The following SLC9A1 variants were observed in gnomAD, a reference collection of about 807,000 sequenced individuals.
SLC9A1 encodes sodium/hydrogen exchanger 1.
In SLC9A1, 22 loss-of-function variants were observed where a neutral mutation model predicts 67.9. That is an observed-to-expected ratio of 0.32 (90% CI 0.23 to 0.46). The LOEUF (loss-of-function observed/expected upper bound fraction) is 0.46, where lower values mean the gene tolerates loss of function less well. Ranked by LOEUF, SLC9A1 falls within the 20% of genes least tolerant of loss-of-function variation. The pLI, the probability that SLC9A1 is intolerant of heterozygous loss-of-function variation, is 1.00. For missense variants in SLC9A1, 686 were observed against 1,094.8 expected, an observed-to-expected ratio of 0.63 and a Z score of 5.27; for synonymous variants, 421 against 471.8, an observed-to-expected ratio of 0.89 and a Z score of 1.40.
In SLC9A1 at chr1:27,109,621, A is replaced by C. The variant is rs2083213609; in HGVS notation, c.970T>G (p.Ser324Ala). ...AGCGGCTCGATGACCCGGATGTGGG[A>C]GGTAAATCGGGAGGTGAAGGCTGCG... ...VIAAFTSRFT[S>A]HIRVIEPLFV... The change falls in exon 3 of 12, where the codon TCC becomes GCC. Residue 324 changes from serine to alanine, a missense_variant. Physicochemically the swap from Ser to Ala is moderately conservative, Grantham distance 99. Around this residue, in one of 7 missense-constraint regions of SLC9A1, gnomAD observed 58 missense variants for 68.9 expected, o/e 0.84. Transcript: ENST00000263980. This position sits in a 1 kb window ranked among gnomAD's most constrained non-coding sequence, Gnocchi z 5.5. The C allele has an allele frequency of 6.2e-7, 1 of 1,613,762 alleles. No homozygotes were observed. The highest frequency in any genetic ancestry group is 1.7e-5 in the Admixed American group (1 of 60,008).
intron 1 of SLC9A1, among the ~76,000 whole-genome samples, chr1:27,150,218 C>T (rs189582203): frequency 6.6e-6 from 1 of 152,304 alleles, no homozygotes; most frequent in East Asian, 1.9e-4. Flanking sequence ...GTGACCCCAT[C>T]TCCCCTATTC....
intron 1 of SLC9A1, among the ~76,000 whole-genome samples, chr1:27,135,766 GAACAGCA>G (rs2083416912): frequency 2.6e-5 from 4 of 152,180 alleles, no homozygotes; most frequent in Admixed American, 1.3e-4. Context: ...AGGCAACACC[GAACAGCA>G]ATAAAATGAA....
intron 2 of SLC9A1, among the ~76,000 whole-genome samples, chr1:27,111,786 G>A (rs2083230021): frequency 6.6e-6 from 1 of 152,170 alleles, no homozygotes; most frequent in Non-Finnish European, 1.5e-5. Flanking sequence ...GAGTGACACT[G>A]TCTGTGTGAC....
rs906653054 is a variant in SLC9A1 at position 27,135,214 on chromosome 1, T to C, written c.352+18769A>G. Reference sequence around the variant, plus strand: ...ACAGGCCTGTGCCACCATGCCCTACTAATTTTTTATTTTATTTTTGTAGAG... The same window carrying C: ...ACAGGCCTGTGCCACCATGCCCTACCAATTTTTTATTTTATTTTTGTAGAG... On this transcript the variant is annotated intron_variant, in intron 1 of 11. Coordinates refer to ENST00000263980, the MANE Select transcript of SLC9A1 (RefSeq NM_003047.5). Among the ~76,000 whole-genome samples the C allele has an allele frequency of 3.8e-4, 57 of 151,926 alleles. 1 individual carries two copies. Among genetic ancestry groups the C allele is most frequent in the African/African-American group, 1.3e-3 (52 of 41,352 alleles).
At chr1:27,126,376 G>T (rs2083343792) in intron 1 of SLC9A1, among the ~76,000 whole-genome samples, 1 of 152,166 alleles carries the variant, frequency 6.6e-6, no homozygotes. Context: ...ACCTCACAAG[G>T]TTGTGAGGAT....
chr1:27,105,184 C>T (rs1331520662), intron 5 of SLC9A1, among the ~76,000 whole-genome samples: 1 of 152,184 alleles, frequency 6.6e-6, no homozygotes, highest in Non-Finnish European at 1.5e-5. Flanking sequence ...GATATTATTC[C>T]CATTTTACAG....
intron 1 of SLC9A1, among the ~76,000 whole-genome samples, chr1:27,117,337 CCT>C (rs1480560749): frequency 6.6e-6 from 1 of 152,176 alleles, no homozygotes; most frequent in Non-Finnish European, 1.5e-5. Flanking sequence ...CCTCCCTGCC[CCT>C]GTCCTGGCGT....
Position 27,102,431 on chromosome 1 carries a change from C to G in SLC9A1, c.1774G>C (p.Gly592Arg). The change falls in exon 8 of 12, where the codon GGG (glycine) becomes CGG (arginine). Residue 592 changes from glycine (G) to arginine (R), a missense_variant. By Grantham distance (125) the Gly-to-Arg change is moderately radical. Transcript: ENST00000263980. The part of the protein sequence containing the change: ...MKQAIELVES[G>R]GMGKIPSAVS... ...GCAGAGGGGATCTTGCCCATGCCCC[C>G]GCTCTCCACCAGCTCGATGGCCTGC... The G allele has an allele frequency of 6.2e-7, 1 of 1,607,580 alleles. No individual in the cohort carries two copies. The highest frequency in any genetic ancestry group is 8.5e-7 in the Non-Finnish European group (1 of 1,175,282).
At chr1:27,133,469 G>C (rs145096438) in intron 1 of SLC9A1, among the ~76,000 whole-genome samples, 2,564 of 152,304 alleles carry the variant, frequency 0.017, 32 homozygotes, top group South Asian at 0.055. Context: ...CACTGAGCTA[G>C]AAGAAGTGTA....
chr1:27,106,113 A>C lies in SLC9A1; in HGVS notation c.1283-26T>G. ...CTGCAGGGGAAGGCAGGGGGTGATGAGGGTCAGGTCGGGCTGTCCCCAGTC... is the reference window on the plus strand; with the variant it reads ...CTGCAGGGGAAGGCAGGGGGTGATGCGGGTCAGGTCGGGCTGTCCCCAGTC... On this transcript the variant is annotated intron_variant, in intron 4 of 11. Coordinates refer to ENST00000263980, the MANE Select transcript of SLC9A1 (RefSeq NM_003047.5). This position sits in a 1 kb window ranked among gnomAD's most constrained non-coding sequence, Gnocchi z 4.3. The C allele has an allele frequency of 6.5e-7, 1 of 1,537,100 alleles. No homozygotes were observed. The highest frequency in any genetic ancestry group is 2.3e-5 in the East Asian group (1 of 44,382).
intron 1 of SLC9A1, among the ~76,000 whole-genome samples, chr1:27,125,864 TAC>T (rs1018233205): frequency 7.9e-5 from 12 of 151,984 alleles, no homozygotes; most frequent in African/African-American, 2.9e-4. Flanking sequence ...GTGCTGAGAT[TAC>T]AGTCATGAGC....
Position 27,114,355 on chromosome 1 carries a change from G to A in SLC9A1, c.353-69C>T. The A allele has an allele frequency of 1.5e-6, 2 of 1,341,526 alleles. No individual in the cohort carries two copies. Among genetic ancestry groups the A allele is most frequent in the South Asian group, 2.7e-5 (2 of 74,768 alleles). The allele number at this position is 1,341,526 out of a possible 1,614,324, so 83.1% of individuals were successfully genotyped here. A position where few individuals can be genotyped will look rare whatever the true frequency, so the allele number is the denominator to read the frequency against. ...GCCAGGAGAATAGAAGGTTGGGGAT[G>A]GGCCGGGGATGAGGAGCGCAGTTGG... is the stretch of plus-strand genomic sequence containing the variant. On this transcript the variant is annotated intron_variant, in intron 1 of 11. Coordinates refer to ENST00000263980, the MANE Select transcript of SLC9A1 (RefSeq NM_003047.5). The surrounding 1 kb of genome is among the most constrained non-coding windows in gnomAD (Gnocchi z 5.4).
intron 1 of SLC9A1, among the ~76,000 whole-genome samples, chr1:27,128,586 G>T (rs936905647): frequency 9.9e-5 from 15 of 151,358 alleles, no homozygotes; most frequent in Non-Finnish European, 1.8e-4. Flanking sequence ...AGCCCGGGAG[G>T]TTGAGGTTTC....
Position 27,118,425 on chromosome 1 carries a change from C to T in SLC9A1, c.353-4139G>A, listed in dbSNP as rs2083285491. Among the ~76,000 whole-genome samples the T allele has an allele frequency of 6.6e-6, 1 of 152,200 alleles. No individual in the cohort carries two copies. The highest frequency in any genetic ancestry group is 1.5e-5 in the Non-Finnish European group (1 of 68,026). ...GGGAAGTGGGAAGCAGCCCCTGGAC[C>T]TGCGCTGGCTTGTCCCTCTCCTAAC... On this transcript the variant is annotated intron_variant, in intron 1 of 11. Coordinates refer to ENST00000263980, the MANE Select transcript of SLC9A1 (RefSeq NM_003047.5). This position sits in a 1 kb window ranked among gnomAD's most constrained non-coding sequence, Gnocchi z 4.3.
chr1:27,101,378 C>A lies in SLC9A1; in HGVS notation c.2038-103G>T, dbSNP rs533948791. 6 of 865,862 alleles carry A rather than the reference C, an allele frequency of 6.9e-6. No individual in the cohort carries two copies. The highest frequency in any genetic ancestry group is 1.1e-5 in the Non-Finnish European group (6 of 538,584). The allele number at this position is 865,862 out of a possible 1,614,324, so 53.6% of individuals were successfully genotyped here. A position where few individuals can be genotyped will look rare whatever the true frequency, so the allele number is the denominator to read the frequency against. ...CACCCCACCTTTCGTATATGCAGGG[C>A]GCTTGCTCCCCCTCCCTTGTGCCTG... On this transcript the variant is annotated intron_variant, in intron 10 of 11. Transcript: ENST00000263980. The surrounding 1 kb of genome is among the most constrained non-coding windows in gnomAD (Gnocchi z 4.9).
chr1:27,152,501 G>A (rs1180141712), intron 1 of SLC9A1, among the ~76,000 whole-genome samples: 1 of 152,168 alleles, frequency 6.6e-6, no homozygotes, highest in African/African-American at 2.4e-5. Flanking sequence ...CTCAATTGGT[G>A]TGGTCAAATT....
At chr1:27,116,126 G>A (rs1171526696) in intron 1 of SLC9A1, among the ~76,000 whole-genome samples, 4 of 152,162 alleles carry the variant, frequency 2.6e-5, no homozygotes, top group Non-Finnish European at 5.9e-5. Flanking sequence ...TTGGGAGGCC[G>A]AGGTGGGTGG....
intron 1 of SLC9A1, among the ~76,000 whole-genome samples, chr1:27,151,656 G>A (rs2083529175): frequency 6.6e-6 from 1 of 152,308 alleles, no homozygotes; most frequent in African/African-American, 2.4e-5. Flanking sequence ...GAGCCACTGC[G>A]CCCAGCTTAG....
intron 1 of SLC9A1, among the ~76,000 whole-genome samples, chr1:27,151,191 T>C (rs922981425): frequency 6.6e-6 from 1 of 152,166 alleles, no homozygotes; most frequent in African/African-American, 2.4e-5. Context: ...AGGAAGGTTG[T>C]AGGAGGCTGA....
Sources: gnomAD v4.1 joint callset for allele counts (sites outside exome capture counted in the v4.1 genomes callset) on GRCh38, gnomAD v4.1.1 for gene constraint, gnomAD v4.1.1 regional missense constraint, Gnocchi (gnomAD v3.1) non-coding constraint, MANE v1.5 for transcripts, NCBI Gene and HGNC (gene_info 2026-07-23, HGNC 2026-07-21) for gene names.